Variants in ARHGAP15 observed in about 807,000 individuals in gnomAD.
ARHGAP15 encodes Rho GTPase activating protein 15, also known as rho GTPase-activating protein 15.
In ARHGAP15, 51 loss-of-function variants were observed where a neutral mutation model predicts 63.7. The observed-to-expected ratio is 0.80, with a 90% CI of 0.64 to 1.01. The LOEUF (loss-of-function observed/expected upper bound fraction) is 1.01, where lower values mean the gene tolerates loss of function less well. Among genes scored for constraint, ARHGAP15 ranks in the 50% least tolerant of loss-of-function variants. The pLI, the probability that ARHGAP15 is intolerant of heterozygous loss-of-function variation, is 0.00. For missense variants in ARHGAP15, 560 were observed against 564.6 expected (o/e 0.99, Z 0.08); for synonymous variants, 191 against 193.8 (o/e 0.99, Z 0.12).
chr2:143,478,057 C>T (rs546304750), intron 8 of ARHGAP15, among the ~76,000 whole-genome samples: 11 of 152,268 alleles, frequency 7.2e-5, no homozygotes, highest in Admixed American at 1.3e-4. Context: ...TGAAAGGAAC[C>T]CCCAATTCCC....
chr2:143,751,102 C>G (rs1340847733), intron 13 of ARHGAP15, among the ~76,000 whole-genome samples: 1 of 152,098 alleles, frequency 6.6e-6, no homozygotes, highest in East Asian at 1.9e-4. Context: ...CTATTAACAC[C>G]AACAGAAGTA....
At chr2:143,590,953 C>G (rs978007595) in intron 11 of ARHGAP15, among the ~76,000 whole-genome samples, 19 of 151,954 alleles carry the variant, frequency 1.3e-4, no homozygotes, top group African/African-American at 4.3e-4. Context: ...CTCTCTCTCT[C>G]TCTCTTGATT....
intron 13 of ARHGAP15, among the ~76,000 whole-genome samples, chr2:143,752,206 A>G (rs1261915858): frequency 2.6e-5 from 4 of 152,086 alleles, no homozygotes; most frequent in Non-Finnish European, 5.9e-5. Context: ...CAGCATCCCC[A>G]TTACAATCAG....
intron 6 of ARHGAP15, among the ~76,000 whole-genome samples, chr2:143,383,847 G>A (rs1687158888): frequency 6.6e-6 from 1 of 152,116 alleles, no homozygotes; most frequent in African/African-American, 2.4e-5. Context: ...AGTCACATTG[G>A]ACAAATCTGA....
At position 143,337,760 on chromosome 2, in the gene ARHGAP15, GC is replaced by G. The variant is rs942494537; in HGVS notation, c.474+87161del. On this transcript the variant is annotated intron_variant, in intron 6 of 13. Transcript: ENST00000295095. ...AACATAAAAAAAAAGTGGAAGGTGT[GC>G]TGCTTATTCGATAGCAAAATCCTAC... Among the ~76,000 whole-genome samples, 110 of 152,122 alleles carry G rather than the reference GC, an allele frequency of 7.2e-4. 2 individuals are homozygous for G. Among genetic ancestry groups the G allele is most frequent in the Admixed American group, 1.5e-3 (23 of 15,262 alleles).
intron 6 of ARHGAP15, among the ~76,000 whole-genome samples, chr2:143,305,746 CTT>C (rs939624271): frequency 2.6e-5 from 4 of 152,060 alleles, no homozygotes; most frequent in African/African-American, 7.2e-5. Context: ...TCAATGAACT[CTT>C]TGGAAAAAAT....
chr2:143,429,496 G>A (rs1052373917), intron 6 of ARHGAP15, among the ~76,000 whole-genome samples: 1 of 152,034 alleles, frequency 6.6e-6, no homozygotes, highest in Non-Finnish European at 1.5e-5. Context: ...TACGTAACCC[G>A]ACATTGTTTA....
intron 10 of ARHGAP15, among the ~76,000 whole-genome samples, chr2:143,529,878 A>C (rs534395842): frequency 6.6e-6 from 1 of 152,246 alleles, no homozygotes; most frequent in African/African-American, 2.4e-5. Flanking sequence ...TATTGCCTGG[A>C]ACTACAATGG....
intron 9 of ARHGAP15, among the ~76,000 whole-genome samples, chr2:143,514,628 A>G (rs1194983892): frequency 6.6e-6 from 1 of 152,206 alleles, no homozygotes; most frequent in Non-Finnish European, 1.5e-5. Flanking sequence ...TACATGACAA[A>G]CAAACATAAA....
At chr2:143,244,797 A>T (rs1693986224) in intron 5 of ARHGAP15, among the ~76,000 whole-genome samples, 1 of 152,228 alleles carries the variant, frequency 6.6e-6, no homozygotes, top group Non-Finnish European at 1.5e-5. Context: ...GACTGGCCAC[A>T]GAGGCAAGAG....
At chr2:143,593,772 C>T (rs891969072) in intron 11 of ARHGAP15, among the ~76,000 whole-genome samples, 1 of 152,094 alleles carries the variant, frequency 6.6e-6, no homozygotes, top group African/African-American at 2.4e-5. Flanking sequence ...ATCTTAAATA[C>T]CCCTAGAATA....
intron 13 of ARHGAP15, among the ~76,000 whole-genome samples, chr2:143,709,983 G>A (rs1448333040): frequency 2.6e-5 from 4 of 152,182 alleles, no homozygotes; most frequent in Admixed American, 1.3e-4. Flanking sequence ...CAGCTCTGCT[G>A]TGCTTTTGAG....
chr2:143,386,988 A>C (rs563913787), intron 6 of ARHGAP15, among the ~76,000 whole-genome samples: 1 of 152,078 alleles, frequency 6.6e-6, no homozygotes, highest in Admixed American at 6.6e-5. Flanking sequence ...AACAACAGAC[A>C]CTGAGGCCTA....
chr2:143,347,644 C>T (rs975401850), intron 6 of ARHGAP15, among the ~76,000 whole-genome samples: 17 of 151,956 alleles, frequency 1.1e-4, no homozygotes, highest in African/African-American at 3.6e-4. Context: ...AGAACATTTA[C>T]GTTTGTTATG....
intron 11 of ARHGAP15, among the ~76,000 whole-genome samples, chr2:143,580,879 A>C (rs4662208): frequency 0.82 from 124,582 of 151,506 alleles, 51,336 homozygotes; most frequent in South Asian, 0.85. Flanking sequence ...GCTGTGCAAG[A>C]AAGTGCCTAT....
At chr2:143,144,484 A>T (rs565029877) in intron 1 of ARHGAP15, among the ~76,000 whole-genome samples, 12 of 151,862 alleles carry the variant, frequency 7.9e-5, no homozygotes, top group African/African-American at 2.9e-4. Context: ...AGTAAAAAGC[A>T]CTCTTGCACT....
chr2:143,317,413 A>G (rs1362984526), intron 6 of ARHGAP15, among the ~76,000 whole-genome samples: 1 of 152,252 alleles, frequency 6.6e-6, no homozygotes, highest in Non-Finnish European at 1.5e-5. Context: ...ATACATGAAT[A>G]AACAATAGGC....
At chr2:143,239,848 G>T (rs1693793071) in intron 5 of ARHGAP15, among the ~76,000 whole-genome samples, 1 of 151,862 alleles carries the variant, frequency 6.6e-6, no homozygotes, top group African/African-American at 2.4e-5. Flanking sequence ...AAAATTAGTT[G>T]GGTGTGGTGG....
At chr2:143,398,816 G>T (rs548580624) in intron 6 of ARHGAP15, among the ~76,000 whole-genome samples, 41 of 150,764 alleles carry the variant, frequency 2.7e-4, no homozygotes, top group African/African-American at 9.5e-4. Flanking sequence ...TAATTACGGA[G>T]GATTTTTGAC....
Sources: allele counts gnomAD v4.1 joint callset (sites outside exome capture counted in the v4.1 genomes callset), GRCh38; gene constraint gnomAD v4.1.1; transcripts MANE v1.5; gene names NCBI Gene and HGNC (gene_info 2026-07-23, HGNC 2026-07-21).